Variants in ATXN1 observed in about 807,000 individuals in gnomAD.
ATXN1 encodes ataxin-1.
ATXN1 carries 8 observed loss-of-function variants against 56.4 expected under a neutral mutation model. The observed-to-expected ratio is 0.14, with a 90% CI of 0.08 to 0.26. The LOEUF (loss-of-function observed/expected upper bound fraction) is 0.26, where lower values mean the gene tolerates loss of function less well. Ranked by LOEUF, ATXN1 falls within the 10% of genes least tolerant of loss-of-function variation. The pLI, the probability that ATXN1 is intolerant of heterozygous loss-of-function variation, is 1.00. For synonymous variants in ATXN1, 514 were observed against 494.6 expected (o/e 1.04, Z -0.52); for missense variants, 987 against 1,106.5 (o/e 0.89, Z 1.53).
At chr6:16,437,350 G>C (rs1162933580) in intron 6 of ATXN1, among the ~76,000 whole-genome samples, 1 of 152,170 alleles carries the variant, frequency 6.6e-6, no homozygotes, top group Non-Finnish European at 1.5e-5. Flanking sequence ...TACTTGATGC[G>C]GATAAGTTCC....
chr6:16,715,316 A>C (rs1352768184), intron 2 of ATXN1, among the ~76,000 whole-genome samples: 1 of 152,054 alleles, frequency 6.6e-6, no homozygotes, highest in Non-Finnish European at 1.5e-5. Flanking sequence ...AGAGATAAAG[A>C]CTCTTACAGC....
intron 4 of ATXN1, among the ~76,000 whole-genome samples, chr6:16,547,731 T>C (rs116747278): frequency 8.2e-4 from 125 of 152,284 alleles, no homozygotes; most frequent in African/African-American, 2.9e-3. Flanking sequence ...CTCCAGTCTT[T>C]ACACGGTAAT....
At chr6:16,698,732 G>A (rs1408973449) in intron 2 of ATXN1, among the ~76,000 whole-genome samples, 15 of 151,762 alleles carry the variant, frequency 9.9e-5, no homozygotes, top group Non-Finnish European at 4.4e-5. Flanking sequence ...TAGGAGTCTG[G>A]AGTCTGGTTT....
intron 3 of ATXN1, among the ~76,000 whole-genome samples, chr6:16,594,776 C>T (rs1302267863): frequency 6.6e-6 from 1 of 152,180 alleles, no homozygotes; most frequent in African/African-American, 2.4e-5. Flanking sequence ...CCACCGTGCC[C>T]AGCCTACAGG....
intron 4 of ATXN1, among the ~76,000 whole-genome samples, chr6:16,565,955 A>G (rs568678074): frequency 4.9e-4 from 75 of 152,316 alleles, no homozygotes; most frequent in Middle Eastern, 3.4e-3. Context: ...TGCCAGCTCC[A>G]TTTGGTATGT....
At chr6:16,637,443 T>C (rs1009748922) in intron 3 of ATXN1, among the ~76,000 whole-genome samples, 55 of 151,914 alleles carry the variant, frequency 3.6e-4, no homozygotes, top group Non-Finnish European at 7.1e-4. Context: ...CATGTATACA[T>C]ATGTAACAAA....
intron 3 of ATXN1, among the ~76,000 whole-genome samples, chr6:16,587,696 G>T (rs146289669): frequency 6.6e-6 from 1 of 152,118 alleles, no homozygotes; most frequent in East Asian, 1.9e-4. Context: ...ACTTTGGGGG[G>T]CCAAGGCGGG....
At chr6:16,594,631 C>G (rs1053675349) in intron 3 of ATXN1, among the ~76,000 whole-genome samples, 6 of 152,144 alleles carry the variant, frequency 3.9e-5, no homozygotes, top group Admixed American at 3.9e-4. Context: ...TACAGGTGCG[C>G]ACCACCACCC....
At chr6:16,387,339 CT>C (rs1176411881) in intron 6 of ATXN1, among the ~76,000 whole-genome samples, 1 of 152,210 alleles carries the variant, frequency 6.6e-6, no homozygotes, top group Non-Finnish European at 1.5e-5. Flanking sequence ...CACCACATAT[CT>C]CTGAATGCTG....
At position 16,305,547 on chromosome 6, in the gene ATXN1, T is replaced by C. The variant is rs780150460; in HGVS notation, c.*782A>G. On this transcript the variant is annotated 3_prime_UTR_variant, in exon 8 of 8. Coordinates refer to ENST00000436367, the MANE Select transcript of ATXN1 (RefSeq NM_001128164.2). The stretch of plus-strand genomic sequence containing the variant: ...CATGTGGGGCCATGACAGCAGGGGC[T>C]TCCCTGTCCACCACAACACCCTGGT... 3 of 151,384 alleles carry C rather than the reference T, an allele frequency of 2.0e-5. No homozygotes were observed. Among genetic ancestry groups the C allele is most frequent in the East Asian group, 3.9e-4 (2 of 5,124 alleles). The allele number at this position is 151,384 out of a possible 1,614,324, so 9.4% of individuals were successfully genotyped here. A position where few individuals can be genotyped will look rare whatever the true frequency, so the allele number is the denominator to read the frequency against.
At chr6:16,543,805 G>T (rs971342199) in intron 4 of ATXN1, among the ~76,000 whole-genome samples, 1 of 152,130 alleles carries the variant, frequency 6.6e-6, no homozygotes, top group Non-Finnish European at 1.5e-5. Context: ...AGAAGCCAAT[G>T]ACTTCCCATA....
chr6:16,640,751 T>G (rs1262996268), intron 3 of ATXN1, among the ~76,000 whole-genome samples: 3 of 152,004 alleles, frequency 2.0e-5, no homozygotes, highest in Non-Finnish European at 4.4e-5. Context: ...CGCTAAGCAT[T>G]CAAGTGAAAG....
chr6:16,456,774 GGAT>G (rs998170841), intron 6 of ATXN1, among the ~76,000 whole-genome samples: 33 of 152,196 alleles, frequency 2.2e-4, no homozygotes, highest in African/African-American at 5.3e-4. Flanking sequence ...TCTCCTATAA[GGAT>G]GATTTCTAAT....
intron 6 of ATXN1, among the ~76,000 whole-genome samples, chr6:16,483,328 C>T (rs959331790): frequency 1.3e-5 from 2 of 152,208 alleles, no homozygotes; most frequent in Non-Finnish European, 2.9e-5. Flanking sequence ...CACATTTATA[C>T]ACCCACTCCT....
intron 4 of ATXN1, among the ~76,000 whole-genome samples, chr6:16,569,539 A>AAC (rs1762293302): frequency 6.6e-6 from 1 of 151,168 alleles, no homozygotes; most frequent in South Asian, 2.1e-4. Flanking sequence ...AAAAAAAAAA[A>AAC]AAAAAAACAG....
intron 4 of ATXN1, among the ~76,000 whole-genome samples, chr6:16,560,850 C>G (rs954259111): frequency 6.6e-6 from 1 of 152,106 alleles, no homozygotes; most frequent in Non-Finnish European, 1.5e-5. Flanking sequence ...CCTGATGGAC[C>G]GGAGGGCAAA....
intron 4 of ATXN1, among the ~76,000 whole-genome samples, chr6:16,583,464 TGGG>T (rs1762563279): frequency 1.1e-4 from 17 of 152,188 alleles, no homozygotes; most frequent in Admixed American, 1.1e-3. Flanking sequence ...TCCTAAGAGC[TGGG>T]TGTGGCGGGG....
At chr6:16,725,471 C>T (rs886867449) in intron 2 of ATXN1, among the ~76,000 whole-genome samples, 9 of 152,144 alleles carry the variant, frequency 5.9e-5, no homozygotes, top group African/African-American at 1.9e-4. Flanking sequence ...AAACACTCTC[C>T]CATTCAATTC....
At chr6:16,557,695 T>C (rs1762039792) in intron 4 of ATXN1, among the ~76,000 whole-genome samples, 1 of 152,200 alleles carries the variant, frequency 6.6e-6, no homozygotes, top group East Asian at 1.9e-4. Flanking sequence ...TCGATCCAAA[T>C]GAATACTGGA....
Sources: gnomAD v4.1 joint callset for allele counts (sites outside exome capture counted in the v4.1 genomes callset) on GRCh38, gnomAD v4.1.1 for gene constraint, MANE v1.5 for transcripts, NCBI Gene and HGNC (gene_info 2026-07-23, HGNC 2026-07-21) for gene names.